DRGX: variants seen among roughly 807,000 people sequenced by gnomAD.
DRGX encodes dorsal root ganglia homeobox.
In DRGX, 21 loss-of-function variants were observed where a neutral mutation model predicts 28.6. That is an observed-to-expected ratio of 0.73 (90% CI 0.52 to 1.06). DRGX has a LOEUF of 1.06. Among genes scored for constraint, DRGX ranks in the 50% least tolerant of loss-of-function variants. The pLI is 0.00. For missense variants in DRGX, 354 were observed against 343.9 expected, an observed-to-expected ratio of 1.03 and a Z score of -0.23; for synonymous variants, 136 against 139.1, an observed-to-expected ratio of 0.98 and a Z score of 0.16.
At position 49,386,737 on chromosome 10, in the gene DRGX, G is replaced by T. The variant is rs781448613; in HGVS notation, c.356C>A (p.Ser119Tyr). The T allele has an allele frequency of 6.2e-7, 1 of 1,607,682 alleles. No individual in the cohort carries two copies. The highest frequency in any genetic ancestry group is 8.5e-7 in the Non-Finnish European group (1 of 1,176,858). The change falls in exon 5 of 7, where the codon TCC becomes TAC. Residue 119 changes from serine (S) to tyrosine (Y), a missense_variant. Ser to Tyr is a moderately radical substitution (Grantham distance 144). Coordinates refer to ENST00000374139, the MANE Select transcript of DRGX (RefSeq NM_001276451.2). The part of the protein sequence containing the change: ...VTPPPVRNIN[S>Y]PPPGDQARSK... The stretch of plus-strand genomic sequence containing the variant: ...CCGGGCTTGGTCCCCAGGGGGCGGG[G>T]AGTTGATGTTTCTCACTGGAGGAGG...
chr10:49,380,071 T>A (rs536450334), intron 6 of DRGX, among the ~76,000 whole-genome samples: 2 of 152,296 alleles, frequency 1.3e-5, no homozygotes, highest in Non-Finnish European at 2.9e-5. Context: ...AGGGTCCCCA[T>A]CATGTCCACC....
Position 49,366,199 on chromosome 10 carries a change from C to A in DRGX, c.709G>T (p.Val237Phe). Residue 237 changes from valine to phenylalanine, a missense_variant, in exon 7 of 7, where the codon GTC (valine) becomes TTC (phenylalanine). Transcript: ENST00000374139. ...LPSTSSSPGP[V>F]AKPAPPDGSQ... is the part of the protein sequence containing the mutation. ...CCATCTGGGGGCGCCGGCTTGGCGACAGGGCCGGGGCTGCTGCTGGTGGAA... is the reference window on the plus strand; with the variant it reads ...CCATCTGGGGGCGCCGGCTTGGCGAAAGGGCCGGGGCTGCTGCTGGTGGAA... 6.2e-7 allele frequency: 1 copy of A among 1,613,406 alleles called. No homozygotes were observed. The highest frequency in any genetic ancestry group is 1.7e-5 in the Admixed American group (1 of 59,990).
At position 49,390,118 on chromosome 10, in the gene DRGX, A is replaced by T; in HGVS notation, c.234+15T>A. 6.3e-7 allele frequency: 1 copy of T among 1,588,570 alleles called. No homozygotes were observed. The highest frequency in any genetic ancestry group is 8.6e-7 in the Non-Finnish European group (1 of 1,168,522). Reference sequence around the variant, plus strand: ...TTTAATATTAGAGAGTTAAATAATTAAAAAGAAGGTTTACCTGCACTCTGG... The same window carrying T: ...TTTAATATTAGAGAGTTAAATAATTTAAAAGAAGGTTTACCTGCACTCTGG... On this transcript the variant is annotated intron_variant, in intron 4 of 6. Coordinates refer to ENST00000374139, the MANE Select transcript of DRGX (RefSeq NM_001276451.2).
chr10:49,385,756 T>C (rs1038508142), intron 6 of DRGX, among the ~76,000 whole-genome samples: 2 of 151,408 alleles, frequency 1.3e-5, no homozygotes, highest in South Asian at 2.1e-4. Context: ...AGACCCCCTG[T>C]GACAAACGAG....
At chr10:49,373,897 T>A (rs1335242827) in intron 6 of DRGX, among the ~76,000 whole-genome samples, 6 of 152,160 alleles carry the variant, frequency 3.9e-5, no homozygotes, top group Non-Finnish European at 8.8e-5. Flanking sequence ...TATATAAATA[T>A]AAATTTACTT....
chr10:49,378,497 C>T (rs1849739894), intron 6 of DRGX, among the ~76,000 whole-genome samples: 1 of 152,174 alleles, frequency 6.6e-6, no homozygotes, highest in South Asian at 2.1e-4. Flanking sequence ...TGATGGTGAA[C>T]ACTCAAATGG....
intron 6 of DRGX, among the ~76,000 whole-genome samples, chr10:49,370,005 G>A (rs545595599): frequency 2.0e-5 from 3 of 152,066 alleles, no homozygotes; most frequent in Middle Eastern, 3.2e-3. Context: ...AGGAAGCTTC[G>A]CAGGGTTTTC....
In DRGX at chr10:49,375,803, C is replaced by T. The variant is rs543119265; in HGVS notation, c.527-9422G>A. Among the ~76,000 whole-genome samples the T allele has an allele frequency of 2.6e-5, 4 of 152,236 alleles. No individual in the cohort carries two copies. The South Asian group carries it at 6.2e-4, about 24-fold the overall frequency. On this transcript the variant is annotated intron_variant, in intron 6 of 6. Transcript: ENST00000374139. ...GACACAGCCAGAGCAGTCACAGGGACGCATGTTCCTGGCAGTCAGATGCCA... is the reference window on the plus strand; with the variant it reads ...GACACAGCCAGAGCAGTCACAGGGATGCATGTTCCTGGCAGTCAGATGCCA...
At chr10:49,388,670 G>T (rs189691472) in intron 4 of DRGX, among the ~76,000 whole-genome samples, 65 of 152,314 alleles carry the variant, frequency 4.3e-4, no homozygotes, top group Middle Eastern at 3.4e-3. Flanking sequence ...ACTTTGCACT[G>T]ACAGTTCGCC....
Position 49,386,480 on chromosome 10 carries a change from T to C in DRGX, c.524A>G (p.Lys175Arg). The part of the protein sequence containing the change: ...AQALSHVASL[K>R]GGPLCSCCVP... ...AGCCCAGCCGAACCCAAACTCACCT[T>C]TGAGGGAAGCCACATGGGACAAGGC... Residue 175 changes from lysine (K) to arginine (R), a missense_variant and splice_region_variant, in exon 6 of 7, where the codon AAA becomes AGA. Transcript: ENST00000374139. 6.4e-7 allele frequency: 1 copy of C among 1,564,654 alleles called. No homozygotes were observed. Among genetic ancestry groups the C allele is most frequent in the African/African-American group, 1.4e-5 (1 of 73,522 alleles).
At chr10:49,372,810 CA>C (rs1849674326) in intron 6 of DRGX, among the ~76,000 whole-genome samples, 1 of 152,206 alleles carries the variant, frequency 6.6e-6, no homozygotes, top group African/African-American at 2.4e-5. Context: ...CACTTTTTCA[CA>C]GCTGTATTTT....
At chr10:49,367,705 C>G (rs925415290) in intron 6 of DRGX, among the ~76,000 whole-genome samples, 1 of 152,184 alleles carries the variant, frequency 6.6e-6, no homozygotes, top group East Asian at 1.9e-4. Flanking sequence ...TGGTCCCAGC[C>G]GAGGCTGAGG....
chr10:49,391,650 G>A (rs1195162334), intron 2 of DRGX, among the ~76,000 whole-genome samples: 1 of 152,032 alleles, frequency 6.6e-6, no homozygotes, highest in Non-Finnish European at 1.5e-5. Context: ...TTTAATAGAA[G>A]CCTGTGTGTC....
chr10:49,368,818 T>C (rs1046747222), intron 6 of DRGX, among the ~76,000 whole-genome samples: 1 of 152,256 alleles, frequency 6.6e-6, no homozygotes, highest in Non-Finnish European at 1.5e-5. Flanking sequence ...CTTTTAAACT[T>C]AGAAACATAA....
chr10:49,370,513 G>A (rs563779341), intron 6 of DRGX, among the ~76,000 whole-genome samples: 74 of 152,298 alleles, frequency 4.9e-4, no homozygotes, highest in African/African-American at 1.6e-3. Context: ...CAAAGGGGGC[G>A]GATGCCTGCA....
At chr10:49,392,166 T>A (rs1849913495) in intron 2 of DRGX, among the ~76,000 whole-genome samples, 1 of 152,252 alleles carries the variant, frequency 6.6e-6, no homozygotes, top group Non-Finnish European at 1.5e-5. Context: ...AATGAGCAAG[T>A]TGCCATTAAC....
intron 6 of DRGX, among the ~76,000 whole-genome samples, chr10:49,378,377 G>T (rs930599799): frequency 2.0e-5 from 3 of 152,182 alleles, no homozygotes; most frequent in Admixed American, 1.3e-4. Flanking sequence ...TCCACAGTCT[G>T]CAGAGACAGA....
chr10:49,389,093 G>A (rs1235523304), intron 4 of DRGX, among the ~76,000 whole-genome samples: 4 of 152,096 alleles, frequency 2.6e-5, no homozygotes, highest in Admixed American at 2.6e-4. Context: ...AAGGATAGAC[G>A]GTATCCTGGC....
chr10:49,392,537 A>T (rs988361316), intron 2 of DRGX, among the ~76,000 whole-genome samples: 1 of 152,236 alleles, frequency 6.6e-6, no homozygotes, highest in Non-Finnish European at 1.5e-5. Context: ...CAAGAAAACA[A>T]ATTGTCTTTT....
Sources: allele counts gnomAD v4.1 joint callset (sites outside exome capture counted in the v4.1 genomes callset), GRCh38; gene constraint gnomAD v4.1.1; transcripts MANE v1.5; gene names NCBI Gene and HGNC (gene_info 2026-07-23, HGNC 2026-07-21).